The following PCCA variants were observed in gnomAD, a reference collection of about 807,000 sequenced individuals.
PCCA encodes the protein propionyl-CoA carboxylase subunit alpha, also known as propionyl-CoA carboxylase alpha chain, mitochondrial.
In PCCA, 74 loss-of-function variants were observed where a neutral mutation model predicts 101.3. That is an observed-to-expected ratio of 0.73 (90% confidence interval 0.61 to 0.89). PCCA has a LOEUF of 0.89. Among genes scored for constraint, PCCA ranks in the 40% least tolerant of loss-of-function variants. The pLI is 0.00. For synonymous variants in PCCA, 294 were observed against 313.6 expected, an observed-to-expected ratio of 0.94 and a Z score of 0.66; for missense variants, 891 against 907.0, an observed-to-expected ratio of 0.98 and a Z score of 0.23.
At chr13:100,351,855 T>C (rs1003804602) in intron 18 of PCCA, among the ~76,000 whole-genome samples, 1 of 152,172 alleles carries the variant, frequency 6.6e-6, no homozygotes, top group East Asian at 1.9e-4. Flanking sequence ...CCCAATAATA[T>C]GTTCAATGAA....
intron 2 of PCCA, among the ~76,000 whole-genome samples, chr13:100,108,435 C>G (rs530972362): frequency 1.3e-5 from 2 of 152,264 alleles, no homozygotes; most frequent in Admixed American, 1.3e-4. Context: ...CCTTGAATGG[C>G]ATATGAGTCC....
At chr13:100,486,872 T>C (rs2084418596) in intron 21 of PCCA, among the ~76,000 whole-genome samples, 2 of 152,178 alleles carry the variant, frequency 1.3e-5, no homozygotes, top group African/African-American at 4.8e-5. Context: ...TGAGCTGTGA[T>C]CGTACCACTG....
At chr13:100,380,374 A>C (rs566026895) in intron 19 of PCCA, among the ~76,000 whole-genome samples, 7 of 152,276 alleles carry the variant, frequency 4.6e-5, no homozygotes, top group Non-Finnish European at 5.9e-5. Context: ...AACCAACCAA[A>C]CAAACAAACC....
chr13:100,343,703 A>G (rs1236213255), intron 18 of PCCA, among the ~76,000 whole-genome samples: 6 of 152,240 alleles, frequency 3.9e-5, no homozygotes, highest in Admixed American at 2.0e-4. Context: ...ATGTATTACA[A>G]TCTCACTTGA....
At chr13:100,504,427 G>A (rs1038710927) in intron 21 of PCCA, among the ~76,000 whole-genome samples, 2 of 152,352 alleles carry the variant, frequency 1.3e-5, no homozygotes, top group Admixed American at 1.3e-4. Context: ...GTGCATGGCT[G>A]TTGTGCATCT....
chr13:100,155,771 A>G (rs2053821568), intron 5 of PCCA, among the ~76,000 whole-genome samples: 2 of 152,260 alleles, frequency 1.3e-5, no homozygotes, highest in Admixed American at 6.5e-5. Context: ...AACATCCAAC[A>G]CCAGCAATTA....
At chr13:100,435,550 T>C (rs2079868021) in intron 20 of PCCA, among the ~76,000 whole-genome samples, 3 of 152,254 alleles carry the variant, frequency 2.0e-5, no homozygotes, top group Non-Finnish European at 4.4e-5. Context: ...CTGGTTTTCA[T>C]TGGTAAACTT....
intron 20 of PCCA, among the ~76,000 whole-genome samples, chr13:100,427,183 C>T (rs2079209808): frequency 6.6e-6 from 1 of 152,242 alleles, no homozygotes; most frequent in South Asian, 2.1e-4. Flanking sequence ...CGCCATTGCA[C>T]TGCAGCCTGG....
At chr13:100,253,606 C>T (rs988487931) in intron 8 of PCCA, among the ~76,000 whole-genome samples, 1 of 152,160 alleles carries the variant, frequency 6.6e-6, no homozygotes. Context: ...TAGTACTTTG[C>T]TAACCTAAGT....
At chr13:100,258,718 A>G (rs2062243908) in intron 9 of PCCA, among the ~76,000 whole-genome samples, 1 of 152,194 alleles carries the variant, frequency 6.6e-6, no homozygotes, top group African/African-American at 2.4e-5. Flanking sequence ...TTACAGCTTA[A>G]TATTTTGAGA....
chr13:100,244,816 G>A (rs1273569859), intron 8 of PCCA, among the ~76,000 whole-genome samples: 1 of 151,856 alleles, frequency 6.6e-6, no homozygotes, highest in Non-Finnish European at 1.5e-5. Flanking sequence ...GTATTGGTTT[G>A]TTTAGTGTAT....
chr13:100,241,984 A>G (rs763826535), intron 8 of PCCA, among the ~76,000 whole-genome samples: 2 of 152,176 alleles, frequency 1.3e-5, no homozygotes, highest in African/African-American at 2.4e-5. Flanking sequence ...TGGCTGTCCC[A>G]TTTTACATTT....
intron 16 of PCCA, among the ~76,000 whole-genome samples, chr13:100,310,358 A>G (rs919470532): frequency 2.0e-5 from 3 of 152,188 alleles, no homozygotes; most frequent in African/African-American, 7.2e-5. Context: ...AGCACATTCT[A>G]TGGGGATTTT....
chr13:100,230,160 G>A (rs1166073414), intron 7 of PCCA, among the ~76,000 whole-genome samples: 2 of 152,204 alleles, frequency 1.3e-5, no homozygotes, highest in Admixed American at 1.3e-4. Context: ...GGTTAAGTGT[G>A]AAAAGGGCTG....
chr13:100,345,741 C>T (rs1375223708), intron 18 of PCCA, among the ~76,000 whole-genome samples: 4 of 152,274 alleles, frequency 2.6e-5, no homozygotes, highest in Middle Eastern at 3.4e-3. Flanking sequence ...AAAGTCAATA[C>T]CTGGCTTCAG....
intron 20 of PCCA, among the ~76,000 whole-genome samples, chr13:100,441,989 C>CTTTTTT (rs776208311): frequency 8.6e-5 from 11 of 128,520 alleles, no homozygotes; most frequent in East Asian, 2.9e-4. Flanking sequence ...TTCCTTTTTT[C>CTTTTTT]TTTTTTTTTT....
intron 18 of PCCA, among the ~76,000 whole-genome samples, chr13:100,348,841 C>CCTTT (rs2072834271): frequency 1.9e-5 from 1 of 52,690 alleles, no homozygotes; most frequent in African/African-American, 7.1e-5. Flanking sequence ...CTCTCTTTTT[C>CCTTT]TCTTTCTCTC....
intron 11 of PCCA, among the ~76,000 whole-genome samples, chr13:100,270,802 A>C (rs940056294): frequency 1.3e-5 from 2 of 152,006 alleles, no homozygotes; most frequent in Non-Finnish European, 2.9e-5. Context: ...TGAGCCTAAG[A>C]GTTTGAGACC....
chr13:100,501,873 C>CAATAAATAAATAAATAAATAAATAAATA (rs369191551), intron 21 of PCCA, among the ~76,000 whole-genome samples: 7 of 150,180 alleles, frequency 4.7e-5, no homozygotes, highest in African/African-American at 1.7e-4. Context: ...CACTCCTTCT[C>CAATAAATAAATAAATAAATAAATAAATA]AATAAATAAA....
Sources: gnomAD v4.1 joint callset for allele counts (sites outside exome capture counted in the v4.1 genomes callset) on GRCh38, gnomAD v4.1.1 for gene constraint, MANE v1.5 for transcripts, NCBI Gene and HGNC (gene_info 2026-07-23, HGNC 2026-07-21) for gene names.